Variants in COL26A1 observed in about 807,000 individuals in gnomAD.
COL26A1 encodes collagen alpha-1(XXVI) chain.
Under a neutral mutation model 59.3 loss-of-function variants are expected in COL26A1, and 41 were observed. That is an observed-to-expected ratio of 0.69 (90% confidence interval 0.54 to 0.90). COL26A1 has a LOEUF of 0.90. Among genes scored for constraint, COL26A1 ranks in the 40% least tolerant of loss-of-function variants. The pLI is 0.00. For missense variants in COL26A1, 612 were observed against 602.3 expected (o/e 1.02, Z -0.17); for synonymous variants, 266 against 256.0 (o/e 1.04, Z -0.37).
chr7:101,446,863 A>AAG (rs113417824), intron 2 of COL26A1, among the ~76,000 whole-genome samples: 3 of 151,252 alleles, frequency 2.0e-5, no homozygotes, highest in Non-Finnish European at 4.4e-5. Context: ...AAAAAAAAAA[A>AAG]AGAGAGAGAG....
chr7:101,413,526 A>AAAGGAAAT (rs1792293004), intron 1 of COL26A1, among the ~76,000 whole-genome samples: 1 of 150,224 alleles, frequency 6.7e-6, no homozygotes, highest in Non-Finnish European at 1.5e-5. Context: ...TCTCAAGAAA[A>AAAGGAAAT]GAAAGGAAAT....
chr7:101,543,896 C>A (rs1272274047), intron 5 of COL26A1, 102 bp from the exon 6 acceptor site: 7 of 750,548 alleles, frequency 9.3e-6, no homozygotes, highest in African/African-American at 1.8e-5. Flanking sequence ...GTAGGCAGGG[C>A]TCCTGGGGGA....
chr7:101,488,296 T>C (rs138285899), intron 3 of COL26A1, among the ~76,000 whole-genome samples: 4,066 of 147,298 alleles, frequency 0.028, 109 homozygotes, highest in East Asian at 0.092. Context: ...AAAAAAGTAA[T>C]TAAATATACA....
chr7:101,418,256 G>T (rs1346178217), intron 1 of COL26A1, among the ~76,000 whole-genome samples: 3 of 152,028 alleles, frequency 2.0e-5, no homozygotes, highest in African/African-American at 7.2e-5. Context: ...CAATCTCTCT[G>T]ATGGTCACCT....
chr7:101,401,014 A>G (rs1476576993), intron 1 of COL26A1, among the ~76,000 whole-genome samples: 1 of 152,112 alleles, frequency 6.6e-6, no homozygotes, highest in Non-Finnish European at 1.5e-5. Flanking sequence ...GGTGGACAGC[A>G]GCACGTCTGC....
chr7:101,470,931 C>T (rs564942842), intron 3 of COL26A1, among the ~76,000 whole-genome samples: 24 of 152,192 alleles, frequency 1.6e-4, no homozygotes, highest in African/African-American at 5.8e-4. Context: ...CCTCACTTAG[C>T]ATAAACTCAG....
At chr7:101,506,080 C>A (rs1171932967) in intron 3 of COL26A1, among the ~76,000 whole-genome samples, 1 of 152,218 alleles carries the variant, frequency 6.6e-6, no homozygotes, top group East Asian at 1.9e-4. Context: ...CTGTCCTTTC[C>A]CTCTGCCCGA....
chr7:101,389,088 C>T (rs1301643098), intron 1 of COL26A1: 2 of 182,634 alleles, frequency 1.1e-5, no homozygotes, highest in South Asian at 1.1e-4. Context: ...CCTCAGTATC[C>T]GTCTTAACAT....
intron 3 of COL26A1, among the ~76,000 whole-genome samples, chr7:101,452,369 A>AG (rs1399974459): frequency 6.6e-6 from 1 of 152,106 alleles, no homozygotes; most frequent in African/African-American, 2.4e-5. Flanking sequence ...GCAGAAGTGA[A>AG]GGGGGGTGAC....
intron 3 of COL26A1, among the ~76,000 whole-genome samples, chr7:101,509,262 T>G (rs970633123): frequency 6.6e-6 from 1 of 151,400 alleles, no homozygotes; most frequent in African/African-American, 2.4e-5. Flanking sequence ...CCGGCCAACA[T>G]GATGAAACCC....
intron 5 of COL26A1, 28 bp downstream of exon 5, chr7:101,540,077 C>A (rs1438945012): frequency 6.3e-7 from 1 of 1,591,754 alleles, no homozygotes; most frequent in African/African-American, 1.3e-5. Context: ...AGAGGACAGG[C>A]TGGGGCAGCC....
chr7:101,376,983 C>T (rs1215892154), intron 1 of COL26A1, among the ~76,000 whole-genome samples: 2 of 152,042 alleles, frequency 1.3e-5, no homozygotes, highest in African/African-American at 2.4e-5. Flanking sequence ...CTCAGTCTCC[C>T]GAGTAGCTGT....
chr7:101,390,717 G>C (rs2130147453), intron 1 of COL26A1, among the ~76,000 whole-genome samples: 1 of 152,310 alleles, frequency 6.6e-6, no homozygotes, highest in African/African-American at 2.4e-5. Context: ...GAGCCACCAT[G>C]CCTGGCCTGG....
intron 5 of COL26A1, among the ~76,000 whole-genome samples, chr7:101,542,003 A>G (rs1028583123): frequency 2.0e-5 from 3 of 151,658 alleles, no homozygotes; most frequent in Admixed American, 1.3e-4. Flanking sequence ...GTCTCACTCT[A>G]TCACTCAGGC....
intron 1 of COL26A1, among the ~76,000 whole-genome samples, chr7:101,401,430 AAGG>A (rs1435701709): frequency 6.7e-6 from 1 of 149,504 alleles, no homozygotes; most frequent in African/African-American, 2.5e-5. Context: ...GGTGGAGGAG[AAGG>A]AGAAGGAAGA....
At chr7:101,422,105 A>G (rs1792536276) in intron 2 of COL26A1, among the ~76,000 whole-genome samples, 1 of 152,070 alleles carries the variant, frequency 6.6e-6, no homozygotes, top group South Asian at 2.1e-4. Context: ...TGAGGTCGGG[A>G]GTTCGAGACT....
intron 1 of COL26A1, among the ~76,000 whole-genome samples, chr7:101,384,298 G>A (rs1173643461): frequency 7.0e-6 from 1 of 142,892 alleles, no homozygotes; most frequent in African/African-American, 2.7e-5. Flanking sequence ...GTTCAATAGC[G>A]TCATCTCGGC....
chr7:101,387,772 A>ATTTTTTTTTTTTTTTTTTTTTTTT (rs1374717696), intron 1 of COL26A1, among the ~76,000 whole-genome samples: 2 of 42,510 alleles, frequency 4.7e-5, no homozygotes, highest in Non-Finnish European at 9.7e-5. Context: ...ATATATATAT[A>ATTTTTTTTTTTTTTTTTTTTTTTT]TATATATTTT....
At chr7:101,377,394 T>C (rs1791343591) in intron 1 of COL26A1, among the ~76,000 whole-genome samples, 1 of 152,116 alleles carries the variant, frequency 6.6e-6, no homozygotes. Flanking sequence ...AAAGGGCTTT[T>C]TCTGCCTTGT....
Sources: gnomAD v4.1 joint callset for allele counts (sites outside exome capture counted in the v4.1 genomes callset) on GRCh38, gnomAD v4.1.1 for gene constraint, MANE v1.5 for transcripts, NCBI Gene and HGNC (gene_info 2026-07-23, HGNC 2026-07-21) for gene names.